C7: variants seen among roughly 807,000 people sequenced by gnomAD.
C7 encodes complement component C7.
C7 carries 83 observed loss-of-function variants against 104.8 expected under a neutral mutation model. The observed-to-expected ratio is 0.79, with a 90% CI of 0.66 to 0.95. C7 has a LOEUF of 0.95. Among genes scored for constraint, C7 ranks in the 40% least tolerant of loss-of-function variants. The pLI is 0.00. For synonymous variants in C7, 415 were observed against 360.6 expected (o/e 1.15, Z -1.71); for missense variants, 1,070 against 1,011.2 (o/e 1.06, Z -0.79).
chr5:40,934,398 A>T lies in C7; in HGVS notation c.212A>T (p.Gln71Leu). Residue 71 changes from glutamine to leucine, a missense_variant, in exon 4 of 18, where the codon CAG (glutamine) becomes CTG (leucine). Physicochemically the swap from Gln to Leu is moderately radical, Grantham distance 113. Transcript: ENST00000313164. Reference protein sequence around the residue: ...QPCVGNAFETQSCEPTRGCPT... With the variant: ...QPCVGNAFETLSCEPTRGCPT... ...TGTGTTGGAAATGCTTTTGAAACAC[A>T]GTCCTGTGAACCTACAAGAGGATGT... is the stretch of plus-strand genomic sequence containing the variant. The T allele has an allele frequency of 6.2e-7, 1 of 1,613,760 alleles. No individual in the cohort carries two copies. The highest frequency in any genetic ancestry group is 1.3e-5 in the African/African-American group (1 of 75,048).
chr5:40,948,765 C>T (rs555617231), intron 8 of C7, among the ~76,000 whole-genome samples: 2 of 152,264 alleles, frequency 1.3e-5, no homozygotes, highest in Admixed American at 6.5e-5. Context: ...CCACATTTCC[C>T]TCTCTATTCC....
rs553695452 is a variant in C7 at position 40,963,412 on chromosome 5, G to A, written c.1749+1240G>A. On this transcript the variant is annotated intron_variant, in intron 13 of 17. Coordinates refer to ENST00000313164, the MANE Select transcript of C7 (RefSeq NM_000587.4). ...TTTTTGTTTTGTTTTGTTTTTGCAA[G>A]GTGGAGGAAGGAATAGGATCATGAG... Among the ~76,000 whole-genome samples, 265 of 152,258 alleles carry A rather than the reference G, an allele frequency of 1.7e-3. 1 individual carries two copies. Among genetic ancestry groups the A allele is most frequent in the Middle Eastern group, 0.017 (5 of 294 alleles).
chr5:40,968,829 C>T (rs376697602), intron 14 of C7, among the ~76,000 whole-genome samples: 1 of 151,184 alleles, frequency 6.6e-6, no homozygotes, highest in African/African-American at 2.4e-5. Flanking sequence ...CGTGGCTGTT[C>T]TCAAACTCCT....
intron 15 of C7, among the ~76,000 whole-genome samples, chr5:40,976,289 C>T (rs1269983324): frequency 2.0e-5 from 3 of 152,130 alleles, no homozygotes; most frequent in Non-Finnish European, 2.9e-5. Flanking sequence ...AGAATGCAGT[C>T]CAAACAACAA....
At chr5:40,970,883 G>A (rs1488403221) in intron 14 of C7, among the ~76,000 whole-genome samples, 1 of 152,120 alleles carries the variant, frequency 6.6e-6, no homozygotes, top group Admixed American at 6.6e-5. Flanking sequence ...AGTTTGCTGA[G>A]GATGATGGTT....
chr5:40,931,521 A>G (rs546448200), intron 3 of C7, among the ~76,000 whole-genome samples: 100 of 152,344 alleles, frequency 6.6e-4, no homozygotes, highest in Non-Finnish European at 1.1e-3. Flanking sequence ...CATCTCAAAC[A>G]AACACTAGCA....
At chr5:40,913,353 T>A (rs1739249699) in intron 1 of C7, among the ~76,000 whole-genome samples, 2 of 152,178 alleles carry the variant, frequency 1.3e-5, no homozygotes, top group Non-Finnish European at 2.9e-5. Flanking sequence ...GGTAGTTCAA[T>A]TTTTAGTTCT....
At chr5:40,954,890 A>AAAAAAG (rs1740253656) in intron 9 of C7, 18 of 267,538 alleles carry the variant, frequency 6.7e-5, no homozygotes, top group East Asian at 4.1e-4. Context: ...AAAAAAAAAA[A>AAAAAAG]AAAAAAAAAA....
chr5:40,970,838 T>C (rs779735644), intron 14 of C7, among the ~76,000 whole-genome samples: 31 of 152,154 alleles, frequency 2.0e-4, no homozygotes, highest in Non-Finnish European at 4.1e-4. Context: ...AACTCCCACT[T>C]ATGAGTGAGA....
At position 40,958,238 on chromosome 5, in the gene C7, G is replaced by T. The variant is rs1266417626; in HGVS notation, c.1466G>T (p.Gly489Val). The T allele has an allele frequency of 6.2e-7, 1 of 1,609,128 alleles. No homozygotes were observed. Among genetic ancestry groups the T allele is most frequent in the Non-Finnish European group, 8.5e-7 (1 of 1,177,132 alleles). The change falls in exon 11 of 18, where the codon GGA becomes GTA. Residue 489 changes from glycine (G) to valine (V), a missense_variant. Transcript: ENST00000313164. ...PYTFGAACEQ[G>V]VLVGNQAGGV... ...ACATTTGGTGCGGCGTGTGAGCAAGGAGTCCTCGTAGGGAATCAAGCAGGT... is the reference window on the plus strand; with the variant it reads ...ACATTTGGTGCGGCGTGTGAGCAAGTAGTCCTCGTAGGGAATCAAGCAGGT...
intron 2 of C7, among the ~76,000 whole-genome samples, chr5:40,930,683 C>T (rs1164532694): frequency 5.9e-5 from 9 of 151,960 alleles, no homozygotes; most frequent in Admixed American, 5.9e-4. Context: ...CTGCCTCAGC[C>T]TCCCGGGTAG....
At chr5:40,978,257 A>G (rs2111726911) in intron 16 of C7, among the ~76,000 whole-genome samples, 1 of 152,286 alleles carries the variant, frequency 6.6e-6, no homozygotes, top group East Asian at 1.9e-4. Flanking sequence ...TATTGTATAT[A>G]GCAATTTCTG....
In C7 at chr5:40,924,303, G is replaced by A. The variant is rs181225771; in HGVS notation, c.7-4277G>A. Among the ~76,000 whole-genome samples the A allele has an allele frequency of 3.2e-3, 493 of 152,272 alleles. 13 individuals are homozygous for A. Among genetic ancestry groups the A allele is most frequent in the Admixed American group, 0.028 (431 of 15,294 alleles). ...TCAAAATAATCTCCCTTGGCTCCAG[G>A]TTCCACATCCAGGACATACTGCTGT... On this transcript the variant is annotated intron_variant, in intron 1 of 17. Coordinates refer to ENST00000313164, the MANE Select transcript of C7 (RefSeq NM_000587.4).
chr5:40,939,067 C>T (rs1739876086), intron 6 of C7, among the ~76,000 whole-genome samples: 1 of 152,170 alleles, frequency 6.6e-6, no homozygotes, highest in African/African-American at 2.4e-5. Context: ...TCTAATTCAG[C>T]TTTTAATATT....
At chr5:40,970,424 A>AATACTTTT (rs1440945228) in intron 14 of C7, among the ~76,000 whole-genome samples, 1 of 151,920 alleles carries the variant, frequency 6.6e-6, no homozygotes, top group East Asian at 1.9e-4. Flanking sequence ...TGAGCTAATG[A>AATACTTTT]ATGTAATTGA....
intron 15 of C7, among the ~76,000 whole-genome samples, chr5:40,974,662 C>A (rs1740776424): frequency 6.6e-6 from 1 of 152,176 alleles, no homozygotes; most frequent in Non-Finnish European, 1.5e-5. Flanking sequence ...TCATGATCCG[C>A]CCGCCTCGGC....
intron 14 of C7, among the ~76,000 whole-genome samples, chr5:40,970,919 A>G (rs1226523321): frequency 6.6e-6 from 1 of 152,014 alleles, no homozygotes; most frequent in Non-Finnish European, 1.5e-5. Flanking sequence ...GTCTCTGCAA[A>G]GGACATTAAC....
intron 12 of C7, among the ~76,000 whole-genome samples, chr5:40,960,653 A>C (rs2111671558): frequency 6.6e-6 from 1 of 152,242 alleles, no homozygotes; most frequent in Non-Finnish European, 1.5e-5. Flanking sequence ...CTTGGTGCTC[A>C]GGGGAGGGGA....
At chr5:40,933,801 C>G (rs1739746149) in intron 3 of C7, among the ~76,000 whole-genome samples, 1 of 152,160 alleles carries the variant, frequency 6.6e-6, no homozygotes, top group East Asian at 1.9e-4. Flanking sequence ...TATCCTCTCT[C>G]CAGAAAAAGT....
Sources: allele counts gnomAD v4.1 joint callset (sites outside exome capture counted in the v4.1 genomes callset), GRCh38; gene constraint gnomAD v4.1.1; transcripts MANE v1.5; gene names NCBI Gene and HGNC (gene_info 2026-07-23, HGNC 2026-07-21).